Variants in FBXL8 observed in about 807,000 individuals in gnomAD.
FBXL8 encodes F-box and leucine rich repeat protein 8, also known as F-box/LRR-repeat protein 8.
Under a neutral mutation model 8.2 loss-of-function variants are expected in FBXL8, and 13 were observed. That is an observed-to-expected ratio of 1.58 (90% CI 1.03 to 2.51). FBXL8 has a LOEUF of 2.51. Among genes scored for constraint, FBXL8 ranks in the 30% most tolerant of loss-of-function variants. The pLI is 0.00. For missense variants in FBXL8, 565 were observed against 540.4 expected, an observed-to-expected ratio of 1.05 and a Z score of -0.45; for synonymous variants, 271 against 260.5, an observed-to-expected ratio of 1.04 and a Z score of -0.39.
At chr16:67,160,879 A>G (rs1011031021) in intron 1 of FBXL8, among the ~76,000 whole-genome samples, 1 of 152,034 alleles carries the variant, frequency 6.6e-6, no homozygotes, top group African/African-American at 2.4e-5. Flanking sequence ...CGGAACTTAA[A>G]TCTTGAGCCC....
chr16:67,161,755 C>T lies in FBXL8; in HGVS notation c.-31C>T, dbSNP rs746244998. The T allele has an allele frequency of 1.3e-6, 2 of 1,551,986 alleles. No individual in the cohort carries two copies. Among genetic ancestry groups the T allele is most frequent in the East Asian group, 4.7e-5 (2 of 42,200 alleles). On this transcript the variant is annotated 5_prime_UTR_variant, in exon 2 of 3. Transcript: ENST00000258200. ...TCCAGGCCGGAGCTATTGGGAGTGG[C>T]GGATCCTCCCACCCCAGCCGGATCT...
chr16:67,161,738 G>C lies in FBXL8; in HGVS notation c.-48G>C. 1.3e-6 allele frequency: 2 copies of C among 1,522,596 alleles called. No homozygotes were observed. The highest frequency in any genetic ancestry group is 4.1e-4 in the Middle Eastern group (2 of 4,934). The allele number at this position is 1,522,596 out of a possible 1,614,324, so 94.3% of individuals were successfully genotyped here. A position where few individuals can be genotyped will look rare whatever the true frequency, so the allele number is the denominator to read the frequency against. On this transcript the variant is annotated 5_prime_UTR_variant, in exon 2 of 3. Coordinates refer to ENST00000258200, the MANE Select transcript of FBXL8 (RefSeq NM_018378.3). ...AGAGACGTCCGTCTCTCTCCAGGCC[G>C]GAGCTATTGGGAGTGGCGGATCCTC...
In FBXL8 at chr16:67,163,976, T is replaced by A. The variant is rs779499460; in HGVS notation, c.*156T>A. 7.6e-6 allele frequency: 9 copies of A among 1,177,618 alleles called. No homozygotes were observed. In the South Asian group the frequency reaches 1.2e-4, roughly 15 times the overall value. The allele number at this position is 1,177,618 out of a possible 1,614,324, so 72.9% of individuals were successfully genotyped here. A position where few individuals can be genotyped will look rare whatever the true frequency, so the allele number is the denominator to read the frequency against. On this transcript the variant is annotated 3_prime_UTR_variant, in exon 3 of 3. Transcript: ENST00000258200. ...GGAACTGTGATGGCATCGGGACCAGTCCTGGGCGCCCTGAGACCACTCGCT... is the reference window on the plus strand; with the variant it reads ...GGAACTGTGATGGCATCGGGACCAGACCTGGGCGCCCTGAGACCACTCGCT...
rs775791742 is a variant in FBXL8 at position 67,163,699 on chromosome 16, G to T, written c.1004G>T (p.Cys335Phe). ...TGCGCGGCCCTGCGCGAGGTGCATT[G>T]TTTCTGCGTGGTGAGCCACTCGGTG... ...ARCAALREVH[C>F]FCVVSHSVLD... Residue 335 changes from cysteine to phenylalanine, a missense_variant, in exon 3 of 3, where the codon TGT becomes TTT. Cys to Phe is a radical substitution (Grantham distance 205, BLOSUM62 -2). Coordinates refer to ENST00000258200, the MANE Select transcript of FBXL8 (RefSeq NM_018378.3). 4 of 1,593,126 alleles carry T rather than the reference G, an allele frequency of 2.5e-6. No homozygotes were observed. Among genetic ancestry groups the T allele is most frequent in the Non-Finnish European group, 3.4e-6 (4 of 1,177,144 alleles).
chr16:67,162,342 A>AATG, intron 2 of FBXL8: 2 of 488,548 alleles, frequency 4.1e-6, no homozygotes, highest in Non-Finnish European at 7.3e-6. Context: ...TAATAATAAT[A>AATG]ATTGCTGACG....
chr16:67,163,162 A>C lies in FBXL8; in HGVS notation c.467A>C (p.Gln156Pro), dbSNP rs1396705325. ...SFTLDDALVL[Q>P]AARSCPELHS... ...ACACTGGACGACGCGCTGGTGCTGCAGGCGGCGCGCAGCTGTCCCGAGCTC... is the reference window on the plus strand; with the variant it reads ...ACACTGGACGACGCGCTGGTGCTGCCGGCGGCGCGCAGCTGTCCCGAGCTC... Residue 156 changes from glutamine to proline, a missense_variant, in exon 3 of 3, where the codon CAG becomes CCG. By Grantham distance (76) the Gln-to-Pro change is moderately conservative. Coordinates refer to ENST00000258200, the MANE Select transcript of FBXL8 (RefSeq NM_018378.3). The C allele has an allele frequency of 5.8e-6, 9 of 1,564,684 alleles. No individual in the cohort carries two copies. In the African/African-American group the frequency reaches 8.1e-5, roughly 14 times the overall value.
At position 67,163,927 on chromosome 16, in the gene FBXL8, GC is replaced by G. The variant is rs1202512039; in HGVS notation, c.*113del. ...GCTAGTGCCTTCTTTTGGGATTGTT[GC>G]CCCCCGGGTCTTTACCGAGTTGGGA... On this transcript the variant is annotated 3_prime_UTR_variant, in exon 3 of 3. Coordinates refer to ENST00000258200, the MANE Select transcript of FBXL8 (RefSeq NM_018378.3). 6.1e-6 allele frequency: 9 copies of G among 1,478,298 alleles called. No homozygotes were observed. The highest frequency in any genetic ancestry group is 7.3e-6 in the Non-Finnish European group (8 of 1,102,026). 91.6% of individuals were successfully genotyped at this position (1,478,298 alleles called of 1,614,324 possible).
chr16:67,162,693 C>A, intron 2 of FBXL8, 155 bp from the exon 3 acceptor site: 1 of 1,040,648 alleles, frequency 9.6e-7, no homozygotes, highest in South Asian at 1.4e-5. Flanking sequence ...TGCGAGTTCC[C>A]TCCTTTGGGG....
At position 67,163,140 on chromosome 16, in the gene FBXL8, C is replaced by T. The variant is rs1357144863; in HGVS notation, c.445C>T (p.Leu149=). The change falls in exon 3 of 3, where the codon CTG becomes TTG. Residue 149 remains leucine (L), a synonymous_variant. Coordinates refer to ENST00000258200, the MANE Select transcript of FBXL8 (RefSeq NM_018378.3). ...CGACCTGCGGCGCTTGTCCTTCACA[C>T]TGGACGACGCGCTGGTGCTGCAGGC... ...HLDLRRLSFT[L]DDALVLQAAR... 6.4e-7 allele frequency: 1 copy of T among 1,570,732 alleles called. No individual in the cohort carries two copies. The highest frequency in any genetic ancestry group is 8.6e-7 in the Non-Finnish European group (1 of 1,159,080).
rs1555549593 is a variant in FBXL8, at chr16:67,163,879, G to GGGT, written c.*61_*63dup. 1 of 1,526,800 alleles carries GGGT rather than the reference G, an allele frequency of 6.5e-7. No individual in the cohort carries two copies. The highest frequency in any genetic ancestry group is 1.4e-5 in the African/African-American group (1 of 71,958). 94.6% of individuals were successfully genotyped at this position (1,526,800 alleles called of 1,614,324 possible). A position where few individuals can be genotyped will look rare whatever the true frequency, so the allele number is the denominator to read the frequency against. On this transcript the variant is annotated 3_prime_UTR_variant, in exon 3 of 3. Coordinates refer to ENST00000258200, the MANE Select transcript of FBXL8 (RefSeq NM_018378.3). Reference sequence around the variant, plus strand: ...TAAGCGCTCTGAGAGGGAACGGGGGGGGTGTCCAGGCGCGCCCCGAGTGCT... The same window carrying GGGT: ...TAAGCGCTCTGAGAGGGAACGGGGGGGGTGGTGTCCAGGCGCGCCCCGAGTGCT...
rs775432539 is a variant in FBXL8 at position 67,163,360 on chromosome 16, T to G, written c.665T>G (p.Leu222Trp). Residue 222 changes from leucine to tryptophan, a missense_variant, in exon 3 of 3, where the codon TTG becomes TGG. Transcript: ENST00000258200. ...CCAGACCGAGCGCCTTTCGCGCTCT[T>G]GGCTCTGCGGTGCGCGTGCCCCGAA... The part of the protein sequence containing the change: ...AAPDRAPFAL[L>W]ALRCACPEDA... 1.3e-6 allele frequency: 2 copies of G among 1,549,914 alleles called. No individual in the cohort carries two copies. The highest frequency in any genetic ancestry group is 2.3e-5 in the South Asian group (2 of 85,856).
In FBXL8 at chr16:67,161,756, G is replaced by T. The variant is rs192758650; in HGVS notation, c.-30G>T. 2.1e-5 allele frequency: 32 copies of T among 1,555,860 alleles called. No homozygotes were observed. Among genetic ancestry groups the T allele is most frequent in the Middle Eastern group, 3.7e-4 (2 of 5,366 alleles). On this transcript the variant is annotated 5_prime_UTR_variant, in exon 2 of 3. Coordinates refer to ENST00000258200, the MANE Select transcript of FBXL8 (RefSeq NM_018378.3). ...CCAGGCCGGAGCTATTGGGAGTGGC[G>T]GATCCTCCCACCCCAGCCGGATCTG...
rs775188589 is a variant in FBXL8 at position 67,163,307 on chromosome 16, G to T, written c.612G>T (p.Ser204=). The change falls in exon 3 of 3, where the codon TCG becomes TCT. Residue 204 remains serine (S), a synonymous_variant. Transcript: ENST00000258200. ...TCGGCCTGCACCTAGCCAGTTTGTC[G>T]CACGCCATCCTCGAAGCACTGGCGG... is the stretch of plus-strand genomic sequence containing the variant. The part of the protein sequence containing the change: ...RALGLHLASL[S]HAILEALAAP... 2.5e-6 allele frequency: 4 copies of T among 1,575,598 alleles called. No homozygotes were observed. In the Admixed American group the frequency reaches 5.3e-5, roughly 21 times the overall value.
At position 67,162,913 on chromosome 16, in the gene FBXL8, A is replaced by G. The variant is rs980259485; in HGVS notation, c.218A>G (p.Asn73Ser). 6 of 1,553,848 alleles carry G rather than the reference A, an allele frequency of 3.9e-6. No individual in the cohort carries two copies. The highest frequency in any genetic ancestry group is 5.2e-6 in the Non-Finnish European group (6 of 1,148,314). Residue 73 changes from asparagine (N) to serine (S), a missense_variant, in exon 3 of 3, where the codon AAC becomes AGC. Asn to Ser is a conservative substitution (Grantham distance 46). Coordinates refer to ENST00000258200, the MANE Select transcript of FBXL8 (RefSeq NM_018378.3). Reference sequence around the variant, plus strand: ...TCCGCCTGCCTCGACCACATTCACAACCTACGGCTGGAATTTGAGCCATCG... The same window carrying G: ...TCCGCCTGCCTCGACCACATTCACAGCCTACGGCTGGAATTTGAGCCATCG... ...YLSACLDHIH[N>S]LRLEFEPSRK... is the part of the protein sequence containing the mutation.
At chr16:67,161,556 C>G (rs1440138830) in intron 1 of FBXL8, 179 bp from the exon 2 acceptor site, 4 of 460,838 alleles carry the variant, frequency 8.7e-6, no homozygotes, top group Non-Finnish European at 1.5e-5. Context: ...TCCGGAGAGC[C>G]TGATTTAGTA....
Position 67,163,495 on chromosome 16 carries a change from T to C in FBXL8, c.800T>C (p.Val267Ala). 6.5e-7 allele frequency: 1 copy of C among 1,540,478 alleles called. No homozygotes were observed. Among genetic ancestry groups the C allele is most frequent in the Non-Finnish European group, 8.7e-7 (1 of 1,149,972 alleles). ...GAGCCCGCGCTGCCCGCTGAGAGCG[T>C]GACGCGCGTCCTGCAGCCAGCCGTC... The part of the protein sequence containing the change: ...ELEPALPAES[V>A]TRVLQPAVPV... The change falls in exon 3 of 3, where the codon GTG becomes GCG. Residue 267 changes from valine to alanine, a missense_variant. Coordinates refer to ENST00000258200, the MANE Select transcript of FBXL8 (RefSeq NM_018378.3).
intron 2 of FBXL8, 159 bp downstream of exon 2, chr16:67,162,096 G>A (rs1484596987): frequency 1.1e-6 from 1 of 949,994 alleles, no homozygotes; most frequent in Non-Finnish European, 1.5e-6. Context: ...TTGGCAGGCC[G>A]AGGCGGGTGG....
chr16:67,162,833 C>A lies in FBXL8; in HGVS notation c.153-15C>A. 1.3e-6 allele frequency: 2 copies of A among 1,550,178 alleles called. No homozygotes were observed. Among genetic ancestry groups the A allele is most frequent in the Non-Finnish European group, 1.7e-6 (2 of 1,146,700 alleles). ...GGACTCAGCTGAGGCCTTTTCTGCA[C>A]GGCTCTAACCCAAGTTGCGAATGTG... On this transcript the variant is annotated splice_polypyrimidine_tract_variant and intron_variant, in intron 2 of 2. Coordinates refer to ENST00000258200, the MANE Select transcript of FBXL8 (RefSeq NM_018378.3).
rs778679735 is a variant in FBXL8, at chr16:67,163,637, C to A, written c.942C>A (p.Ala314=). ...CALEVRAAAS[A]ELNAALEELA... ...TCGAGGTGCGCGCAGCCGCTTCGGC[C>A]GAGCTGAACGCCGCGCTGGAGGAGC... The change falls in exon 3 of 3, where the codon GCC becomes GCA. Residue 314 remains alanine (A), a synonymous_variant. Transcript: ENST00000258200. The A allele has an allele frequency of 1.3e-6, 2 of 1,566,080 alleles. No individual in the cohort carries two copies. The highest frequency in any genetic ancestry group is 1.1e-5 in the South Asian group (1 of 87,084).
Sources: allele counts gnomAD v4.1 joint callset (sites outside exome capture counted in the v4.1 genomes callset), GRCh38; gene constraint gnomAD v4.1.1; transcripts MANE v1.5; gene names NCBI Gene and HGNC (gene_info 2026-07-23, HGNC 2026-07-21).